The following COBL variants were observed in gnomAD, a reference collection of about 807,000 sequenced individuals.
The protein encoded by COBL is cordon-bleu WH2 repeat protein.
A neutral mutation model predicts 98.8 loss-of-function variants in COBL; 51 were observed. That is an observed-to-expected ratio of 0.52 (90% confidence interval 0.41 to 0.65). COBL has a LOEUF of 0.65. Ranked by LOEUF, COBL falls within the 30% of genes least tolerant of loss-of-function variation. The pLI, the probability that COBL is intolerant of heterozygous loss-of-function variation, is 0.00. For synonymous variants in COBL, 634 were observed against 651.7 expected (o/e 0.97, Z 0.41); for missense variants, 1,617 against 1,617.5 (o/e 1.00, Z 0.01).
Position 51,043,441 on chromosome 7 carries a change from G to T in COBL, c.1348C>A (p.Leu450Met), listed in dbSNP as rs919176121. The change falls in exon 8 of 13, where the codon CTG becomes ATG. Residue 450 changes from leucine (L) to methionine (M), a missense_variant. Physicochemically the swap from Leu to Met is conservative, Grantham distance 15. Around this residue, in one of 3 missense-constraint regions of COBL, gnomAD observed 1,304 missense variants for 1,282.0 expected, o/e 1.02. Coordinates refer to ENST00000265136, the MANE Select transcript of COBL (RefSeq NM_015198.5). Reference sequence around the variant, plus strand: ...CACAAGGGGCTCTTCTGGGGACCCAGGTCTGGGGTTCCAGCGAGGTCCTGG... The same window carrying T: ...CACAAGGGGCTCTTCTGGGGACCCATGTCTGGGGTTCCAGCGAGGTCCTGG... ...SDQDLAGTPD[L>M]GPQKSPLWEK... 1.2e-6 allele frequency: 2 copies of T among 1,614,132 alleles called. No individual in the cohort carries two copies. Among genetic ancestry groups the T allele is most frequent in the Non-Finnish European group, 1.7e-6 (2 of 1,180,062 alleles).
At chr7:51,137,180 C>T (rs1009749214) in intron 5 of COBL, among the ~76,000 whole-genome samples, 3 of 152,178 alleles carry the variant, frequency 2.0e-5, no homozygotes, top group Admixed American at 6.5e-5. Flanking sequence ...TTACCATGGA[C>T]ACAGTCAACA....
At position 51,206,991 on chromosome 7, in the gene COBL, T is replaced by C. The variant is rs115802967; in HGVS notation, c.245+12750A>G. Among the ~76,000 whole-genome samples, 1,113 of 152,304 alleles carry C rather than the reference T, an allele frequency of 7.3e-3. 13 individuals carry two copies. The highest frequency in any genetic ancestry group is 0.026 in the African/African-American group (1,081 of 41,566). On this transcript the variant is annotated intron_variant, in intron 2 of 12. Transcript: ENST00000265136. ...AATACTGCACTGTATACTTGAAATG[T>C]GCTAAGAGAGTCAACCTTCAGTGTT...
At chr7:51,040,600 G>C (rs1789086215) in intron 8 of COBL, among the ~76,000 whole-genome samples, 1 of 152,182 alleles carries the variant, frequency 6.6e-6, no homozygotes, top group East Asian at 1.9e-4. Flanking sequence ...CACTGTGTAT[G>C]ATCAAAAGGT....
At chr7:51,090,311 A>G (rs1794686656) in intron 6 of COBL, among the ~76,000 whole-genome samples, 1 of 152,236 alleles carries the variant, frequency 6.6e-6, no homozygotes. Context: ...AAGAAGGCAC[A>G]GGACCATAGG....
intron 5 of COBL, among the ~76,000 whole-genome samples, chr7:51,138,544 T>C (rs887761551): frequency 6.6e-6 from 1 of 152,194 alleles, no homozygotes; most frequent in Admixed American, 6.5e-5. Context: ...GCAAACCCCA[T>C]CTTTCCTCAT....
chr7:51,103,536 T>C (rs563094939), intron 6 of COBL, among the ~76,000 whole-genome samples: 1 of 152,318 alleles, frequency 6.6e-6, no homozygotes, highest in African/African-American at 2.4e-5. Context: ...AGAAAGGGAC[T>C]TGATTCGAAG....
chr7:51,120,640 C>T (rs1797660855), intron 6 of COBL, among the ~76,000 whole-genome samples: 1 of 151,938 alleles, frequency 6.6e-6, no homozygotes, highest in Admixed American at 6.6e-5. Context: ...CTCCCCAATT[C>T]CCACCCCCCA....
At chr7:51,164,698 C>A (rs953236265) in intron 5 of COBL, among the ~76,000 whole-genome samples, 1 of 152,012 alleles carries the variant, frequency 6.6e-6, no homozygotes, top group South Asian at 2.1e-4. Flanking sequence ...ATAGTAAGAA[C>A]ACAGAAAAAC....
intron 6 of COBL, among the ~76,000 whole-genome samples, chr7:51,116,939 T>C (rs993660360): frequency 6.6e-6 from 1 of 152,100 alleles, no homozygotes; most frequent in African/African-American, 2.4e-5. Flanking sequence ...TTTATATATA[T>C]ATTTTTAATA....
intron 6 of COBL, among the ~76,000 whole-genome samples, chr7:51,109,579 C>G (rs1036559096): frequency 6.6e-6 from 1 of 152,088 alleles, no homozygotes; most frequent in Non-Finnish European, 1.5e-5. Context: ...CCTGAGTTAT[C>G]TTAAATGCTT....
intron 6 of COBL, among the ~76,000 whole-genome samples, chr7:51,093,453 A>C (rs1488637637): frequency 6.6e-6 from 1 of 152,220 alleles, no homozygotes; most frequent in African/African-American, 2.4e-5. Context: ...TCCCCAAAAA[A>C]CTAAAAATAG....
intron 6 of COBL, among the ~76,000 whole-genome samples, chr7:51,119,823 T>C (rs925124611): frequency 6.6e-6 from 1 of 152,228 alleles, no homozygotes; most frequent in East Asian, 1.9e-4. Flanking sequence ...ACATTAACTC[T>C]TCAAAACCTT....
intron 2 of COBL, among the ~76,000 whole-genome samples, chr7:51,210,796 G>A (rs962122586): frequency 1.3e-5 from 2 of 152,162 alleles, no homozygotes; most frequent in Admixed American, 6.5e-5. Context: ...AGGGAATGCC[G>A]TTTCTGCTAC....
intron 6 of COBL, among the ~76,000 whole-genome samples, chr7:51,125,657 T>C (rs1583877618): frequency 6.6e-6 from 1 of 152,136 alleles, no homozygotes; most frequent in Admixed American, 6.5e-5. Flanking sequence ...CTTGTGGGGA[T>C]TTGGGAAGGA....
At chr7:51,216,414 G>A (rs1257746323) in intron 2 of COBL, among the ~76,000 whole-genome samples, 7 of 151,860 alleles carry the variant, frequency 4.6e-5, no homozygotes, top group Non-Finnish European at 7.4e-5. Context: ...CAGGTGATCC[G>A]CCCACCTCAG....
chr7:51,216,821 T>C (rs1205696656), intron 2 of COBL, among the ~76,000 whole-genome samples: 2 of 152,194 alleles, frequency 1.3e-5, no homozygotes, highest in East Asian at 1.9e-4. Context: ...TATGAAAAGG[T>C]TGCATGTTCT....
intron 1 of COBL, among the ~76,000 whole-genome samples, chr7:51,298,396 C>CT (rs1801614698): frequency 6.6e-6 from 1 of 152,250 alleles, no homozygotes. Context: ...TCAGGGCATG[C>CT]TTTAAGAGGT....
At chr7:51,170,527 A>ATC (rs1562991322) in intron 5 of COBL, among the ~76,000 whole-genome samples, 8 of 147,066 alleles carry the variant, frequency 5.4e-5, no homozygotes, top group Admixed American at 2.7e-4. Flanking sequence ...ATATATATAT[A>ATC]TATAAATATA....
intron 1 of COBL, among the ~76,000 whole-genome samples, chr7:51,274,773 A>G (rs541348980): frequency 1.3e-4 from 20 of 152,336 alleles, no homozygotes; most frequent in African/African-American, 4.8e-4. Context: ...GTATTCTAGA[A>G]AACAACAGTG....
Sources: gnomAD v4.1 joint callset for allele counts (sites outside exome capture counted in the v4.1 genomes callset) on GRCh38, gnomAD v4.1.1 for gene constraint, gnomAD v4.1.1 regional missense constraint, MANE v1.5 for transcripts, NCBI Gene and HGNC (gene_info 2026-07-23, HGNC 2026-07-21) for gene names.